DLC1: variants seen among roughly 807,000 people sequenced by gnomAD.
DLC1 encodes the protein DLC1 Rho GTPase activating protein.
Under a neutral mutation model 140.3 loss-of-function variants are expected in DLC1, and 54 were observed. That is an observed-to-expected ratio of 0.38 (90% confidence interval 0.31 to 0.48). DLC1 has a LOEUF of 0.48. Ranked by LOEUF, DLC1 falls within the 20% of genes least tolerant of loss-of-function variation. The pLI, the probability that DLC1 is intolerant of heterozygous loss-of-function variation, is 0.96. For synonymous variants in DLC1, 986 were observed against 728.1 expected (o/e 1.35, Z -5.70); for missense variants, 2,536 against 1,907.0 (o/e 1.33, Z -6.14).
intron 2 of DLC1, among the ~76,000 whole-genome samples, chr8:13,469,732 A>G (rs964171105): frequency 3.3e-4 from 50 of 152,226 alleles, no homozygotes; most frequent in Non-Finnish European, 2.4e-4. Context: ...TAGACTACAT[A>G]ACTTGGTATG....
chr8:13,182,992 C>A (rs192376030), intron 5 of DLC1, among the ~76,000 whole-genome samples: 2 of 152,122 alleles, frequency 1.3e-5, no homozygotes, highest in African/African-American at 2.4e-5. Flanking sequence ...TCTTTTATTT[C>A]GTTGAGCAGT....
At chr8:13,308,196 AT>A (rs1244007517) in intron 4 of DLC1, among the ~76,000 whole-genome samples, 6 of 152,198 alleles carry the variant, frequency 3.9e-5, no homozygotes, top group Non-Finnish European at 7.3e-5. Flanking sequence ...GCAAAAATAC[AT>A]TTTAGCCTCC....
chr8:13,177,181 C>T (rs1168176451), intron 5 of DLC1, among the ~76,000 whole-genome samples: 2 of 152,112 alleles, frequency 1.3e-5, no homozygotes, highest in African/African-American at 2.4e-5. Context: ...GCCATTGAGT[C>T]TACTGTCTCT....
intron 4 of DLC1, among the ~76,000 whole-genome samples, chr8:13,391,616 A>G (rs189919751): frequency 2.6e-5 from 4 of 152,346 alleles, no homozygotes; most frequent in East Asian, 1.9e-4. Context: ...AATGGTTACC[A>G]TAAAAATGTA....
At chr8:13,336,949 T>C (rs1229155936) in intron 4 of DLC1, among the ~76,000 whole-genome samples, 3 of 152,060 alleles carry the variant, frequency 2.0e-5, no homozygotes, top group Non-Finnish European at 2.9e-5. Context: ...AATGACTTAC[T>C]AATAGTTAGC....
rs78314285 is a variant in DLC1, at chr8:13,500,118, G to C, written c.-47C>G. 4 of 1,475,286 alleles carry C rather than the reference G, an allele frequency of 2.7e-6. No individual in the cohort carries two copies. Among genetic ancestry groups the C allele is most frequent in the Non-Finnish European group, 3.7e-6 (4 of 1,079,170 alleles). The allele number at this position is 1,475,286 out of a possible 1,614,324, so 91.4% of individuals were successfully genotyped here. ...ACAGAGAGATATATTCCATATGAGG[G>C]TAAAGGAGATGGAACTTGATGAAAG... On this transcript the variant is annotated 5_prime_UTR_variant, in exon 2 of 18. Transcript: ENST00000276297.
intron 5 of DLC1, among the ~76,000 whole-genome samples, chr8:13,145,472 A>G (rs971556241): frequency 1.3e-5 from 2 of 152,248 alleles, no homozygotes; most frequent in African/African-American, 4.8e-5. Context: ...AAAATTTTAC[A>G]TTCACATTAA....
intron 4 of DLC1, among the ~76,000 whole-genome samples, chr8:13,335,678 G>A (rs1244211796): frequency 6.6e-6 from 1 of 150,842 alleles, no homozygotes; most frequent in Non-Finnish European, 1.5e-5. Context: ...GTAGGATAAT[G>A]TATATTACAT....
chr8:13,226,796 C>A (rs1013140563), intron 5 of DLC1, among the ~76,000 whole-genome samples: 1 of 152,152 alleles, frequency 6.6e-6, no homozygotes, highest in African/African-American at 2.4e-5. Flanking sequence ...CTCAGAGTAG[C>A]TTTGGGAGCC....
chr8:13,255,476 C>G (rs1281697653), intron 5 of DLC1, among the ~76,000 whole-genome samples: 1 of 152,090 alleles, frequency 6.6e-6, no homozygotes, highest in Non-Finnish European at 1.5e-5. Flanking sequence ...TATCCACTAA[C>G]TTAAGTACTC....
chr8:13,364,175 A>G (rs966542758), intron 4 of DLC1, among the ~76,000 whole-genome samples: 1 of 152,216 alleles, frequency 6.6e-6, no homozygotes, highest in African/African-American at 2.4e-5. Context: ...CAGATTCTTC[A>G]GTAACACACT....
chr8:13,165,233 C>G (rs574660184), intron 5 of DLC1, among the ~76,000 whole-genome samples: 1 of 152,192 alleles, frequency 6.6e-6, no homozygotes, highest in African/African-American at 2.4e-5. Flanking sequence ...TATTTGTTTG[C>G]TAGATCTAGC....
chr8:13,603,224 G>C (rs1805946984), intron 1 of DLC1, among the ~76,000 whole-genome samples: 1 of 151,752 alleles, frequency 6.6e-6, no homozygotes, highest in Non-Finnish European at 1.5e-5. Flanking sequence ...CGTGATGTTA[G>C]ACATCATTAA....
chr8:13,226,912 G>T (rs923111433), intron 5 of DLC1, among the ~76,000 whole-genome samples: 5 of 152,098 alleles, frequency 3.3e-5, no homozygotes, highest in Admixed American at 6.6e-5. Context: ...TCTAAACATG[G>T]TTTTGGGTAT....
rs1836462366 is a variant in DLC1 at position 13,385,191 on chromosome 8, AT to A, written c.1314+8361del. Reference sequence around the variant, plus strand: ...TTTCATATTATAACTAATTTGGTAAATGCTTATCTAGTAAATTACTACAGTC... The same window carrying A: ...TTTCATATTATAACTAATTTGGTAAAGCTTATCTAGTAAATTACTACAGTC... On this transcript the variant is annotated intron_variant, in intron 4 of 17. Coordinates refer to ENST00000276297, the MANE Select transcript of DLC1 (RefSeq NM_182643.3). Among the ~76,000 whole-genome samples the A allele has an allele frequency of 2.0e-5, 3 of 152,258 alleles. No individual in the cohort carries two copies. The South Asian group carries it at 6.2e-4, about 32-fold the overall frequency.
chr8:13,226,798 T>G (rs1195504608), intron 5 of DLC1, among the ~76,000 whole-genome samples: 1 of 152,172 alleles, frequency 6.6e-6, no homozygotes, highest in Non-Finnish European at 1.5e-5. Context: ...CAGAGTAGCT[T>G]TGGGAGCCTG....
chr8:13,164,849 A>G (rs73663613), intron 5 of DLC1, among the ~76,000 whole-genome samples: 1,820 of 152,346 alleles, frequency 0.012, 33 homozygotes, highest in African/African-American at 0.039. Flanking sequence ...AAACTATATT[A>G]GTGAAAATGG....
chr8:13,449,172 G>C (rs1798931088), intron 2 of DLC1, among the ~76,000 whole-genome samples: 1 of 152,196 alleles, frequency 6.6e-6, no homozygotes, highest in African/African-American at 2.4e-5. Flanking sequence ...CGCTGGGCTT[G>C]ACAAAGACCC....
rs745986942 is a variant in DLC1, at chr8:13,456,794, A to C, written c.1023+42255T>G. ...CTGCTTTGCAGGGCCTTTGGTTTGA[A>C]TGCTGAGATCAGCTCCAAAGACAAA... On this transcript the variant is annotated intron_variant, in intron 2 of 17. Transcript: ENST00000276297. Among the ~76,000 whole-genome samples, 61 of 152,276 alleles carry C rather than the reference A, an allele frequency of 4.0e-4. 1 individual carries two copies. The Middle Eastern group carries it at 0.014, about 34-fold the overall frequency.
Sources: gnomAD v4.1 joint callset for allele counts (sites outside exome capture counted in the v4.1 genomes callset) on GRCh38, gnomAD v4.1.1 for gene constraint, MANE v1.5 for transcripts, NCBI Gene and HGNC (gene_info 2026-07-23, HGNC 2026-07-21) for gene names.